NEK6: variants seen among roughly 807,000 people sequenced by gnomAD.
The protein encoded by NEK6 is serine/threonine-protein kinase Nek6.
In NEK6, 27 loss-of-function variants were observed where a neutral mutation model predicts 43.5. The ratio of observed to expected loss-of-function variants is 0.62; its 90% confidence interval spans 0.46 to 0.86. The LOEUF (loss-of-function observed/expected upper bound fraction) is 0.86. Ranked by LOEUF, NEK6 falls within the 40% of genes least tolerant of loss-of-function variation. The probability of loss-of-function intolerance (pLI) is 0.00; values close to 1 mark genes in which losing one functional copy is unlikely to be tolerated. For synonymous variants in NEK6, 167 were observed against 164.1 expected, an observed-to-expected ratio of 1.02 and a Z score of -0.14; for missense variants, 318 against 414.4, an observed-to-expected ratio of 0.77 and a Z score of 2.02.
chr9:124,329,549 C>G (rs1281599941), intron 7 of NEK6, among the ~76,000 whole-genome samples: 1 of 152,234 alleles, frequency 6.6e-6, no homozygotes, highest in East Asian at 1.9e-4. Context: ...CGAGCGCCGA[C>G]CAGGCCACAT....
intron 1 of NEK6, among the ~76,000 whole-genome samples, chr9:124,280,999 C>T (rs1831878444): frequency 6.6e-6 from 1 of 152,142 alleles, no homozygotes; most frequent in South Asian, 2.1e-4. Context: ...ACATGTTGGC[C>T]AGGCTGGTCT....
At chr9:124,335,307 C>G (rs983975516) in intron 7 of NEK6, among the ~76,000 whole-genome samples, 1 of 152,128 alleles carries the variant, frequency 6.6e-6, no homozygotes, top group East Asian at 1.9e-4. Context: ...CTGGAAGTTG[C>G]GATTTGCTGT....
At chr9:124,313,765 G>A (rs1239037960) in intron 3 of NEK6, among the ~76,000 whole-genome samples, 158 bp from the exon 4 acceptor site, 1 of 152,084 alleles carries the variant, frequency 6.6e-6, no homozygotes, top group East Asian at 1.9e-4. Context: ...GACCCACAGT[G>A]AGCAAGCCCT....
chr9:124,349,580 T>A (rs1367018449), intron 9 of NEK6, among the ~76,000 whole-genome samples: 3 of 152,234 alleles, frequency 2.0e-5, no homozygotes, highest in African/African-American at 7.2e-5. Flanking sequence ...TATCGCTGCT[T>A]AGAAATGAAA....
At chr9:124,263,615 TCACTCAGCCGGGACCC>T in intron 1 of NEK6, among the ~76,000 whole-genome samples, 1 of 152,116 alleles carries the variant, frequency 6.6e-6, no homozygotes, top group Non-Finnish European at 1.5e-5. Context: ...CCACCCAGGG[TCACTCAGCCGGGACCC>T]TTGGTCCGTG....
intron 1 of NEK6, chr9:124,292,294 C>G: frequency 1.5e-6 from 2 of 1,356,006 alleles, no homozygotes; most frequent in South Asian, 3.1e-5. Context: ...CTGACAGGAC[C>G]TTTGCCACTA....
intron 1 of NEK6, among the ~76,000 whole-genome samples, chr9:124,268,704 A>T (rs1284276102): frequency 6.6e-6 from 1 of 152,190 alleles, no homozygotes; most frequent in Non-Finnish European, 1.5e-5. Flanking sequence ...AGAACAAGGC[A>T]TCCCCTTCAC....
intron 1 of NEK6, among the ~76,000 whole-genome samples, chr9:124,273,487 G>A (rs1344517785): frequency 1.3e-5 from 2 of 152,214 alleles, no homozygotes; most frequent in South Asian, 2.1e-4. Context: ...GTCAGGGCAC[G>A]TGTGTCTGTG....
chr9:124,296,237 G>A (rs1238302073), intron 1 of NEK6, among the ~76,000 whole-genome samples: 2 of 152,270 alleles, frequency 1.3e-5, no homozygotes, highest in African/African-American at 4.8e-5. Context: ...TTCGCTCGGG[G>A]CGGAGAGAAA....
At chr9:124,278,699 C>T (rs944339) in intron 1 of NEK6, among the ~76,000 whole-genome samples, 63,622 of 152,062 alleles carry the variant, frequency 0.42, 13,976 homozygotes, top group East Asian at 0.64. Context: ...CGTCAGATAC[C>T]GGCTGGATGA....
At chr9:124,274,526 G>A (rs543760773) in intron 1 of NEK6, among the ~76,000 whole-genome samples, 4 of 152,310 alleles carry the variant, frequency 2.6e-5, no homozygotes, top group South Asian at 2.1e-4. Context: ...GTCCATTTTC[G>A]TGGAGGACCA....
intron 1 of NEK6, among the ~76,000 whole-genome samples, chr9:124,291,581 A>C (rs1832421581): frequency 6.6e-6 from 1 of 152,224 alleles, no homozygotes. Flanking sequence ...AGCCAAGATC[A>C]TGCTGCTGTA....
Position 124,326,649 on chromosome 9 carries a change from G to A in NEK6, c.514+211G>A, listed in dbSNP as rs767701488. ...TGGAAAGTGACATGAGCCCCAGGGG[G>A]CAGGGGCCCCGCTTGGCACACCACT... On this transcript the variant is annotated intron_variant, in intron 6 of 9. Coordinates refer to ENST00000320246, the MANE Select transcript of NEK6 (RefSeq NM_014397.6). This position sits in a 1 kb window ranked among gnomAD's most constrained non-coding sequence, Gnocchi z 4.5. Among the ~76,000 whole-genome samples the A allele has an allele frequency of 6.6e-6, 1 of 152,198 alleles. No individual in the cohort carries two copies. Among genetic ancestry groups the A allele is most frequent in the Non-Finnish European group, 1.5e-5 (1 of 68,020 alleles).
chr9:124,290,605 G>A (rs1049816891), intron 1 of NEK6, among the ~76,000 whole-genome samples: 2 of 152,252 alleles, frequency 1.3e-5, no homozygotes, highest in Admixed American at 6.5e-5. Context: ...AAGGAAGCAG[G>A]TGCTGGCCAC....
chr9:124,341,992 G>A (rs1829658671), intron 8 of NEK6, among the ~76,000 whole-genome samples: 1 of 152,188 alleles, frequency 6.6e-6, no homozygotes, highest in African/African-American at 2.4e-5. Flanking sequence ...CAGAGCCACT[G>A]TGCTGCTGGT....
At chr9:124,292,118 G>A in intron 1 of NEK6, 5 of 1,095,202 alleles carry the variant, frequency 4.6e-6, no homozygotes, top group Non-Finnish European at 5.6e-6. Flanking sequence ...CTCCTGCTGT[G>A]GGAACCGCTT....
intron 2 of NEK6, among the ~76,000 whole-genome samples, chr9:124,307,408 C>A (rs1833309350): frequency 6.6e-6 from 1 of 152,130 alleles, no homozygotes; most frequent in African/African-American, 2.4e-5. Flanking sequence ...GGACCTTGGC[C>A]ATCTCATTGG....
chr9:124,342,431 T>C (rs529886033), intron 8 of NEK6, among the ~76,000 whole-genome samples: 2 of 152,352 alleles, frequency 1.3e-5, no homozygotes, highest in East Asian at 3.9e-4. Context: ...TCCAGGCAAG[T>C]CAGCCCCTCC....
At position 124,339,558 on chromosome 9, in the gene NEK6, T is replaced by G. The variant is rs762237212; in HGVS notation, c.623-13T>G. 15 of 1,601,054 alleles carry G rather than the reference T, an allele frequency of 9.4e-6. No individual in the cohort carries two copies. In the Admixed American group the frequency reaches 2.5e-4, roughly 27 times the overall value. Reference sequence around the variant, plus strand: ...ATGGAGCATAAGCAGCCCCGCCCCTTGCTGTGTTGCAGTGGGGACGCCCTA... The same window carrying G: ...ATGGAGCATAAGCAGCCCCGCCCCTGGCTGTGTTGCAGTGGGGACGCCCTA... On this transcript the variant is annotated splice_polypyrimidine_tract_variant and intron_variant, in intron 7 of 9. Coordinates refer to ENST00000320246, the MANE Select transcript of NEK6 (RefSeq NM_014397.6).
Sources: allele counts gnomAD v4.1 joint callset (sites outside exome capture counted in the v4.1 genomes callset), GRCh38; gene constraint gnomAD v4.1.1; non-coding constraint Gnocchi (gnomAD v3.1); transcripts MANE v1.5; gene names NCBI Gene and HGNC (gene_info 2026-07-23, HGNC 2026-07-21).